MNAT1: variants seen among roughly 807,000 people sequenced by gnomAD.
MNAT1 encodes CDK-activating kinase assembly factor MAT1.
MNAT1 carries 43 observed loss-of-function variants against 42.0 expected under a neutral mutation model. The observed-to-expected ratio is 1.02, with a 90% CI of 0.80 to 1.32. The LOEUF (loss-of-function observed/expected upper bound fraction) is 1.32. Ranked by LOEUF, MNAT1 falls within the 40% of genes most tolerant of loss-of-function variation. The pLI is 0.00. For synonymous variants in MNAT1, 118 were observed against 120.0 expected (o/e 0.98, Z 0.11); for missense variants, 306 against 350.4 (o/e 0.87, Z 1.01).
At chr14:60,953,781 G>A (rs985428734) in intron 7 of MNAT1, among the ~76,000 whole-genome samples, 3 of 151,954 alleles carry the variant, frequency 2.0e-5, no homozygotes, top group Non-Finnish European at 2.9e-5. Flanking sequence ...ACACCCTTGC[G>A]AACCCTTGTT....
At chr14:60,932,330 T>G (rs958336653) in intron 7 of MNAT1, among the ~76,000 whole-genome samples, 5 of 152,050 alleles carry the variant, frequency 3.3e-5, no homozygotes, top group Non-Finnish European at 5.9e-5. Flanking sequence ...AATTATGCTA[T>G]AGGTGTTCAT....
chr14:60,741,798 G>A (rs117261146), intron 1 of MNAT1, among the ~76,000 whole-genome samples: 4,119 of 151,250 alleles, frequency 0.027, 89 homozygotes, highest in Non-Finnish European at 0.037. Context: ...GTGAGCTGCT[G>A]TACCTGGCCC....
chr14:60,788,166 G>A (rs1297890075), intron 1 of MNAT1, among the ~76,000 whole-genome samples: 1 of 152,106 alleles, frequency 6.6e-6, no homozygotes, highest in African/African-American at 2.4e-5. Context: ...TGGATGTTGT[G>A]TTAGCAGGCA....
chr14:60,928,110 C>T (rs546452899), intron 7 of MNAT1, among the ~76,000 whole-genome samples: 13 of 152,234 alleles, frequency 8.5e-5, no homozygotes, highest in Admixed American at 3.3e-4. Flanking sequence ...ACATGTGATA[C>T]AAATGGAATC....
intron 6 of MNAT1, among the ~76,000 whole-genome samples, chr14:60,869,040 A>ATATATATATATATATTTT (rs1465360826): frequency 8.0e-5 from 9 of 113,024 alleles, no homozygotes; most frequent in South Asian, 2.8e-4. Context: ...ATATATATAT[A>ATATATATATATATATTTT]TTTTTTTTTT....
intron 6 of MNAT1, among the ~76,000 whole-genome samples, chr14:60,854,663 TC>T (rs2139423066): frequency 6.6e-6 from 1 of 152,316 alleles, no homozygotes; most frequent in African/African-American, 2.4e-5. Flanking sequence ...GCCTGCTCCT[TC>T]CTCTGGAAGC....
chr14:60,910,877 T>G (rs2035337946), intron 7 of MNAT1, among the ~76,000 whole-genome samples: 1 of 152,222 alleles, frequency 6.6e-6, no homozygotes, highest in Admixed American at 6.5e-5. Context: ...TTCTATTGAT[T>G]GGAATAGTTT....
At chr14:60,838,229 G>A (rs562500189) in intron 6 of MNAT1, among the ~76,000 whole-genome samples, 2 of 151,998 alleles carry the variant, frequency 1.3e-5, no homozygotes, top group East Asian at 1.9e-4. Context: ...TCTACTTCCT[G>A]GGCTCAAGCA....
intron 7 of MNAT1, among the ~76,000 whole-genome samples, chr14:60,945,569 A>G (rs1342483632): frequency 6.6e-6 from 1 of 152,222 alleles, no homozygotes; most frequent in Admixed American, 6.5e-5. Context: ...ATTCCTTTAT[A>G]ATCACATCTT....
At chr14:60,919,757 T>TGAGA in intron 7 of MNAT1, 1 of 157,958 alleles carries the variant, frequency 6.3e-6, no homozygotes. Flanking sequence ...CAGGAACTTC[T>TGAGA]GAGAGACTTG....
At chr14:60,846,355 T>A (rs1419197313) in intron 6 of MNAT1, among the ~76,000 whole-genome samples, 1 of 152,098 alleles carries the variant, frequency 6.6e-6, no homozygotes, top group Non-Finnish European at 1.5e-5. Context: ...GTCTTGTTGA[T>A]CTTTTCAAAG....
chr14:60,856,326 A>T (rs1411087084), intron 6 of MNAT1, among the ~76,000 whole-genome samples: 1 of 152,212 alleles, frequency 6.6e-6, no homozygotes, highest in Admixed American at 6.5e-5. Flanking sequence ...AACCAGTCAT[A>T]CCATATTCCC....
Position 60,918,130 on chromosome 14 carries a change from T to C in MNAT1, c.809+38295T>C, listed in dbSNP as rs564150916. ...GAGGACCACCATCTTTTTTATTCCATAATTGCAAAAGATTCTCACTTTTAG... is the reference window on the plus strand; with the variant it reads ...GAGGACCACCATCTTTTTTATTCCACAATTGCAAAAGATTCTCACTTTTAG... On this transcript the variant is annotated intron_variant, in intron 7 of 7. Coordinates refer to ENST00000261245, the MANE Select transcript of MNAT1 (RefSeq NM_002431.4). 6.0e-5 allele frequency among the ~76,000 whole-genome samples: 9 copies of C among 149,158 alleles called. No individual in the cohort carries two copies. The East Asian group carries it at 1.8e-3, about 30-fold the overall frequency.
chr14:60,734,763 G>C lies in MNAT1; in HGVS notation c.-100G>C. The C allele has an allele frequency of 2.9e-6, 3 of 1,035,294 alleles. No homozygotes were observed. Among genetic ancestry groups the C allele is most frequent in the Non-Finnish European group, 4.5e-6 (3 of 674,064 alleles). 64.1% of individuals were successfully genotyped at this position (1,035,294 alleles called of 1,614,324 possible). ...TTCGCGAAGGGACCGTCTCTGCCAA[G>C]CGCCTGTTGGTAGGAACCTGCTTGG... On this transcript the variant is annotated 5_prime_UTR_variant, in exon 1 of 8. Coordinates refer to ENST00000261245, the MANE Select transcript of MNAT1 (RefSeq NM_002431.4). This position sits in a 1 kb window ranked among gnomAD's most constrained non-coding sequence, Gnocchi z 4.3.
At chr14:60,827,452 C>A (rs1289922643) in intron 6 of MNAT1, among the ~76,000 whole-genome samples, 3 of 152,024 alleles carry the variant, frequency 2.0e-5, no homozygotes, top group African/African-American at 7.2e-5. Context: ...AAGATCTAAC[C>A]TTGATAAAAT....
chr14:60,915,631 T>C (rs2035495845), intron 7 of MNAT1, among the ~76,000 whole-genome samples: 1 of 152,234 alleles, frequency 6.6e-6, no homozygotes, highest in Non-Finnish European at 1.5e-5. Flanking sequence ...TAGGTGTTAC[T>C]TCCTGGTAGT....
At chr14:60,881,559 T>C (rs1392928969) in intron 7 of MNAT1, among the ~76,000 whole-genome samples, 1 of 152,076 alleles carries the variant, frequency 6.6e-6, no homozygotes, top group African/African-American at 2.4e-5. Flanking sequence ...ATAAAGGATA[T>C]TGGCTCATAG....
chr14:60,793,866 C>G (rs1003809094), intron 1 of MNAT1, among the ~76,000 whole-genome samples: 1 of 151,808 alleles, frequency 6.6e-6, no homozygotes, highest in Admixed American at 6.6e-5. Flanking sequence ...AAAAAATATT[C>G]TTTTCACAGT....
intron 7 of MNAT1, among the ~76,000 whole-genome samples, chr14:60,940,085 G>A (rs1255859935): frequency 6.6e-6 from 1 of 152,054 alleles, no homozygotes; most frequent in Non-Finnish European, 1.5e-5. Context: ...CATTTGTTTG[G>A]TAGATCTTCC....
Sources: allele counts gnomAD v4.1 joint callset (sites outside exome capture counted in the v4.1 genomes callset), GRCh38; gene constraint gnomAD v4.1.1; non-coding constraint Gnocchi (gnomAD v3.1); transcripts MANE v1.5; gene names NCBI Gene and HGNC (gene_info 2026-07-23, HGNC 2026-07-21).